FKBP6: variants seen among roughly 807,000 people sequenced by gnomAD.
FKBP6 encodes FKBP prolyl isomerase family member 6 (inactive), also known as inactive peptidyl-prolyl cis-trans isomerase FKBP6.
Under a neutral mutation model 41.7 loss-of-function variants are expected in FKBP6, and 29 were observed. The ratio of observed to expected loss-of-function variants is 0.70; its 90% CI spans 0.52 to 0.95. The LOEUF is 0.95. Among genes scored for constraint, FKBP6 ranks in the 40% least tolerant of loss-of-function variants. The pLI is 0.00. For missense variants in FKBP6, 338 were observed against 408.7 expected, an observed-to-expected ratio of 0.83 and a Z score of 1.49; for synonymous variants, 130 against 165.1, an observed-to-expected ratio of 0.79 and a Z score of 1.63.
chr7:73,345,215 T>C (rs1325452540), intron 8 of FKBP6, among the ~76,000 whole-genome samples: 1 of 129,162 alleles, frequency 7.7e-6, no homozygotes, highest in East Asian at 2.5e-4. Context: ...ATCTTTAGCA[T>C]CAGCCAGAAA....
At chr7:73,351,737 T>A (rs1433038805) in intron 8 of FKBP6, among the ~76,000 whole-genome samples, 2 of 152,210 alleles carry the variant, frequency 1.3e-5, no homozygotes, top group Non-Finnish European at 2.9e-5. Flanking sequence ...TTTACTGTTG[T>A]GGATTCTGTG....
At chr7:73,333,629 C>G (rs1188942710) in intron 5 of FKBP6, among the ~76,000 whole-genome samples, 1 of 152,262 alleles carries the variant, frequency 6.6e-6, no homozygotes, top group Non-Finnish European at 1.5e-5. Context: ...GGGCCCGCCA[C>G]ACAGCTCTTG....
At position 73,340,873 on chromosome 7, in the gene FKBP6, A is replaced by C. The variant is rs180903148; in HGVS notation, c.783+41A>C. 6.9e-6 allele frequency: 10 copies of C among 1,454,434 alleles called. No homozygotes were observed. In the Admixed American group the frequency reaches 1.7e-4, roughly 24 times the overall value. 90.1% of individuals were successfully genotyped at this position (1,454,434 alleles called of 1,614,324 possible). A position where few individuals can be genotyped will look rare whatever the true frequency, so the allele number is the denominator to read the frequency against. ...GTGACTTGGGAATAAACACCCAGGA[A>C]AAGGTAGTAGCAGTGCTCAACTCAG... On this transcript the variant is annotated intron_variant, in intron 6 of 8. Transcript: ENST00000252037.
At chr7:73,354,336 G>A (rs1420011396) in intron 8 of FKBP6, among the ~76,000 whole-genome samples, 3 of 152,230 alleles carry the variant, frequency 2.0e-5, no homozygotes, top group Non-Finnish European at 2.9e-5. Flanking sequence ...GAGCACGAGG[G>A]TGGCTGCAGG....
At chr7:73,353,354 T>TCATACTCTGTTA (rs1554551397) in intron 8 of FKBP6, among the ~76,000 whole-genome samples, 1 of 152,224 alleles carries the variant, frequency 6.6e-6, no homozygotes, top group East Asian at 1.9e-4. Context: ...TTCCCATCTC[T>TCATACTCTGTTA]CATACTCTGT....
At chr7:73,334,945 G>C (rs1247510769) in intron 5 of FKBP6, among the ~76,000 whole-genome samples, 1 of 152,134 alleles carries the variant, frequency 6.6e-6, no homozygotes, top group African/African-American at 2.4e-5. Context: ...TGTAGTCCAA[G>C]ATGAGGGTCT....
At chr7:73,337,990 G>T (rs546852095) in intron 5 of FKBP6, among the ~76,000 whole-genome samples, 6 of 152,236 alleles carry the variant, frequency 3.9e-5, no homozygotes, top group Middle Eastern at 3.4e-3. Flanking sequence ...TGTTTTTGAG[G>T]TTTATCCATG....
At chr7:73,346,168 A>G (rs535537887) in intron 8 of FKBP6, among the ~76,000 whole-genome samples, 4 of 152,310 alleles carry the variant, frequency 2.6e-5, no homozygotes, top group East Asian at 3.9e-4. Flanking sequence ...GCTGTTCCCA[A>G]ACATACCAAA....
intron 7 of FKBP6, among the ~76,000 whole-genome samples, chr7:73,341,857 G>C (rs1413271714): frequency 1.3e-5 from 2 of 151,588 alleles, no homozygotes; most frequent in African/African-American, 4.9e-5. Context: ...GTTGAGACAG[G>C]GTTTCACCGT....
chr7:73,343,966 C>G (rs1277770787), intron 8 of FKBP6, among the ~76,000 whole-genome samples: 2 of 152,216 alleles, frequency 1.3e-5, no homozygotes, highest in Non-Finnish European at 2.9e-5. Context: ...GGTCCATAAA[C>G]TGCTGCTATC....
intron 5 of FKBP6, among the ~76,000 whole-genome samples, chr7:73,334,720 C>T (rs1045139751): frequency 3.9e-5 from 6 of 152,148 alleles, no homozygotes; most frequent in African/African-American, 9.7e-5. Flanking sequence ...TTTAGACTGT[C>T]GATTATAATT....
intron 5 of FKBP6, among the ~76,000 whole-genome samples, chr7:73,334,209 C>T (rs1299811717): frequency 6.6e-6 from 1 of 152,170 alleles, no homozygotes; most frequent in Non-Finnish European, 1.5e-5. Flanking sequence ...TTTTCCCCGG[C>T]ATTCCTAAAT....
chr7:73,329,927 G>C, intron 3 of FKBP6: 1 of 607,856 alleles, frequency 1.6e-6, no homozygotes, highest in South Asian at 1.9e-5. Context: ...TTCAGGGAAG[G>C]CTTCCTGGAA....
In FKBP6 at chr7:73,328,318, G is replaced by A. The variant is rs1246986158; in HGVS notation, c.-111G>A. 1 of 1,549,484 alleles carries A rather than the reference G, an allele frequency of 6.5e-7. No homozygotes were observed. Among genetic ancestry groups the A allele is most frequent in the Non-Finnish European group, 8.7e-7 (1 of 1,146,714 alleles). ...CCAGAATGGAATGCCGCCGTCGGTA[G>A]GGGTCTGCCGGGCATAAAGGGGCCT... On this transcript the variant is annotated 5_prime_UTR_variant, in exon 1 of 9. An upstream open reading frame in the 5' UTR loses its in-frame stop. Transcript: ENST00000252037.
chr7:73,357,857 G>A (rs1345085840), intron 8 of FKBP6, among the ~76,000 whole-genome samples: 11 of 151,804 alleles, frequency 7.2e-5, no homozygotes, highest in African/African-American at 2.7e-4. Flanking sequence ...GCGTGGTGGT[G>A]CGTGCCTGTA....
At chr7:73,338,138 G>A (rs1805064948) in intron 5 of FKBP6, among the ~76,000 whole-genome samples, 1 of 152,136 alleles carries the variant, frequency 6.6e-6, no homozygotes, top group Non-Finnish European at 1.5e-5. Context: ...CGATTCTCCT[G>A]CCTCAGCCTC....
intron 5 of FKBP6, among the ~76,000 whole-genome samples, chr7:73,337,631 T>G (rs1296793372): frequency 6.6e-6 from 1 of 152,134 alleles, no homozygotes; most frequent in East Asian, 1.9e-4. Flanking sequence ...TCTTCCATTC[T>G]ACTTGCACCT....
In FKBP6 at chr7:73,337,391, T is replaced by G. The variant is rs1183373007; in HGVS notation, c.589-3247T>G. On this transcript the variant is annotated intron_variant, in intron 5 of 8. Transcript: ENST00000252037. ...TGTACTGGCGCCATCTCGGCCTCAC[T>G]ACAACCTCCGCCTCCCAGGTTCAAG... Among the ~76,000 whole-genome samples the G allele has an allele frequency of 6.3e-5, 9 of 142,408 alleles. No individual in the cohort carries two copies. The South Asian group carries it at 1.2e-3, about 19-fold the overall frequency. The allele number at this position is 142,408 out of a possible 152,430, so 93.4% of individuals were successfully genotyped here. A position where few individuals can be genotyped will look rare whatever the true frequency, so the allele number is the denominator to read the frequency against.
chr7:73,339,480 T>C (rs1360218084), intron 5 of FKBP6, among the ~76,000 whole-genome samples: 2 of 152,226 alleles, frequency 1.3e-5, no homozygotes, highest in Non-Finnish European at 2.9e-5. Flanking sequence ...ACTGTAGCTT[T>C]AGGAAGTTTC....
Sources: allele counts gnomAD v4.1 joint callset (sites outside exome capture counted in the v4.1 genomes callset), GRCh38; gene constraint gnomAD v4.1.1; transcripts MANE v1.5; gene names NCBI Gene and HGNC (gene_info 2026-07-23, HGNC 2026-07-21).